Variants in RBM27 observed in about 807,000 individuals in gnomAD.
RBM27 encodes RNA-binding protein 27.
RBM27 carries 22 observed loss-of-function variants against 135.3 expected under a neutral mutation model. The observed-to-expected ratio is 0.16, with a 90% CI of 0.12 to 0.23. RBM27 has a LOEUF of 0.23. RBM27 is among the 10% of genes least tolerant of loss of function. The pLI is 1.00. For missense variants in RBM27, 1,009 were observed against 1,281.0 expected (o/e 0.79, Z 3.24); for synonymous variants, 481 against 442.4 (o/e 1.09, Z -1.10).
chr5:146,254,519 C>A (rs1279113889), intron 9 of RBM27, among the ~76,000 whole-genome samples: 1 of 149,200 alleles, frequency 6.7e-6, no homozygotes, highest in African/African-American at 2.5e-5. Flanking sequence ...GGTTCCACAT[C>A]TGCAGATTCA....
rs1470304887 is a variant in RBM27 at position 146,251,769 on chromosome 5, G to T, written c.1338G>T (p.Gly446=). The change falls in exon 9 of 21, where the codon GGG becomes GGT. Residue 446 remains glycine (G), a synonymous_variant. Transcript: ENST00000265271. ...CTGCATCTGAGCGACTTCAGTTGGG[G>T]ACACCGCCTCCTCTGTTGGCAGCTC... ...GAAASERLQL[G]TPPPLLAARL... 5.0e-6 allele frequency: 8 copies of T among 1,613,310 alleles called. No homozygotes were observed. The highest frequency in any genetic ancestry group is 6.8e-6 in the Non-Finnish European group (8 of 1,179,424).
In RBM27 at chr5:146,237,446, G is replaced by T; in HGVS notation, c.1279+14G>T. 6.2e-7 allele frequency: 1 copy of T among 1,613,352 alleles called. No individual in the cohort carries two copies. The highest frequency in any genetic ancestry group is 8.5e-7 in the Non-Finnish European group (1 of 1,179,380). ...CAGTATCAGAACGTAAGTACATGTT[G>T]TTTGACTTAAAATTGACAGGGTATA... On this transcript the variant is annotated intron_variant, in intron 8 of 20. Coordinates refer to ENST00000265271, the MANE Select transcript of RBM27 (RefSeq NM_018989.2).
chr5:146,235,685 T>C (rs1204772737), intron 7 of RBM27, among the ~76,000 whole-genome samples: 3 of 152,158 alleles, frequency 2.0e-5, no homozygotes, highest in Non-Finnish European at 2.9e-5. Context: ...TTTTTTTCTT[T>C]TATTTTCTTT....
At chr5:146,283,668 A>T (rs1410183174) in intron 19 of RBM27, among the ~76,000 whole-genome samples, 1 of 152,132 alleles carries the variant, frequency 6.6e-6, no homozygotes, top group African/African-American at 2.4e-5. Context: ...AATGGTGGGA[A>T]TTTTTCCCTT....
intron 9 of RBM27, among the ~76,000 whole-genome samples, chr5:146,252,484 A>C (rs1022942170): frequency 2.6e-5 from 4 of 152,200 alleles, no homozygotes; most frequent in Admixed American, 1.3e-4. Flanking sequence ...GTGTATTCCC[A>C]GGATTTATGG....
At chr5:146,272,734 A>G (rs1758923050) in intron 19 of RBM27, among the ~76,000 whole-genome samples, 1 of 152,118 alleles carries the variant, frequency 6.6e-6, no homozygotes, top group African/African-American at 2.4e-5. Context: ...AAAAAAAAAA[A>G]AAAGTATTAA....
intron 19 of RBM27, 139 bp from the exon 20 acceptor site, chr5:146,284,483 G>T (rs1363920088): frequency 4.6e-6 from 3 of 648,570 alleles, no homozygotes; most frequent in Non-Finnish European, 8.3e-6. Flanking sequence ...ATTTTTTTTA[G>T]CTCTCATTGG....
chr5:146,230,530 A>C (rs2126750764), intron 5 of RBM27, 127 bp from the exon 6 acceptor site: 1 of 986,698 alleles, frequency 1.0e-6, no homozygotes, highest in South Asian at 1.7e-5. Flanking sequence ...GAGGAGTATG[A>C]AATATGGATA....
intron 8 of RBM27, among the ~76,000 whole-genome samples, chr5:146,248,237 T>TG (rs1357231624): frequency 1.6e-4 from 24 of 150,932 alleles, no homozygotes; most frequent in African/African-American, 5.8e-4. Flanking sequence ...TCTGCTAGTT[T>TG]TTTTTTTTTT....
intron 6 of RBM27, among the ~76,000 whole-genome samples, chr5:146,232,390 A>G (rs1017891267): frequency 2.0e-5 from 3 of 152,168 alleles, no homozygotes; most frequent in Non-Finnish European, 4.4e-5. Flanking sequence ...TCCAAACATA[A>G]TCTGTGCGTA....
chr5:146,211,353 A>G (rs1231669813), intron 1 of RBM27, among the ~76,000 whole-genome samples: 4 of 151,940 alleles, frequency 2.6e-5, no homozygotes, highest in African/African-American at 7.2e-5. Flanking sequence ...TAAGAGAGAA[A>G]GTTTTCATTT....
intron 8 of RBM27, among the ~76,000 whole-genome samples, chr5:146,248,761 C>T (rs902959973): frequency 6.6e-6 from 1 of 152,052 alleles, no homozygotes; most frequent in East Asian, 1.9e-4. Flanking sequence ...CCATCGTGCT[C>T]GGCCTTTCTG....
chr5:146,206,492 T>C (rs1755668970), intron 1 of RBM27, among the ~76,000 whole-genome samples: 1 of 151,818 alleles, frequency 6.6e-6, no homozygotes, highest in South Asian at 2.1e-4. Flanking sequence ...TTTTGAGTTA[T>C]ATATTCAACT....
intron 10 of RBM27, among the ~76,000 whole-genome samples, chr5:146,256,871 G>C (rs994059557): frequency 2.0e-5 from 3 of 151,722 alleles, no homozygotes; most frequent in African/African-American, 7.3e-5. Flanking sequence ...CCTTTAATAT[G>C]ACACACTTCA....
chr5:146,205,865 A>G (rs1003532265), intron 1 of RBM27, among the ~76,000 whole-genome samples: 2 of 152,198 alleles, frequency 1.3e-5, no homozygotes, highest in East Asian at 1.9e-4. Flanking sequence ...CTGAAAGTAT[A>G]AAAATTAACC....
intron 8 of RBM27, among the ~76,000 whole-genome samples, chr5:146,250,041 C>T (rs7714786): frequency 0.99 from 151,207 of 152,324 alleles, 75,065 homozygotes; most frequent in East Asian, 1. Context: ...TTAGCATCTC[C>T]ATATTCCCTT....
At chr5:146,223,372 G>A (rs756725723) in intron 2 of RBM27, 31 bp from the exon 3 acceptor site, 23 of 1,552,356 alleles carry the variant, frequency 1.5e-5, no homozygotes, top group East Asian at 4.7e-5. Flanking sequence ...TTTTGTTTGC[G>A]CAATATGTAA....
intron 7 of RBM27, among the ~76,000 whole-genome samples, chr5:146,234,060 G>A (rs896531265): frequency 6.6e-6 from 1 of 151,858 alleles, no homozygotes; most frequent in Non-Finnish European, 1.5e-5. Context: ...TAGAGACAGG[G>A]TCTCATTATG....
intron 19 of RBM27, among the ~76,000 whole-genome samples, chr5:146,283,453 C>G (rs1290125145): frequency 2.6e-5 from 4 of 152,078 alleles, no homozygotes. Flanking sequence ...GGGAGGATCA[C>G]TTGGACCCAG....
Sources: gnomAD v4.1 joint callset for allele counts (sites outside exome capture counted in the v4.1 genomes callset) on GRCh38, gnomAD v4.1.1 for gene constraint, MANE v1.5 for transcripts, NCBI Gene and HGNC (gene_info 2026-07-23, HGNC 2026-07-21) for gene names.